Variants in PCCA observed in about 807,000 individuals in gnomAD.
PCCA encodes the protein propionyl-CoA carboxylase subunit alpha.
Under a neutral mutation model 101.3 loss-of-function variants are expected in PCCA, and 74 were observed. That is an observed-to-expected ratio of 0.73 (90% CI 0.61 to 0.89). The LOEUF is 0.89. PCCA is among the 40% of genes least tolerant of loss of function. PCCA has a pLI of 0.00. For missense variants in PCCA, 891 were observed against 907.0 expected (o/e 0.98, Z 0.23); for synonymous variants, 294 against 313.6 (o/e 0.94, Z 0.66).
intron 12 of PCCA, among the ~76,000 whole-genome samples, chr13:100,296,820 AT>A (rs1424867883): frequency 6.6e-6 from 1 of 152,148 alleles, no homozygotes; most frequent in Admixed American, 6.5e-5. Context: ...GGACATTAAC[AT>A]ATTACTGTCT....
At chr13:100,467,965 T>C (rs2082669180) in intron 21 of PCCA, among the ~76,000 whole-genome samples, 1 of 152,206 alleles carries the variant, frequency 6.6e-6, no homozygotes, top group Non-Finnish European at 1.5e-5. Flanking sequence ...AATGTATTTC[T>C]GAAATAATAA....
rs186121579 is a variant in PCCA at position 100,394,934 on chromosome 13, C to G, written c.1746+26360C>G. ...CAAGGCAGCTTTTATCTTCTGTGTC[C>G]GTGATTCTAATTACATTTCAGGGGG... On this transcript the variant is annotated intron_variant, in intron 19 of 23. Transcript: ENST00000376285. The surrounding 1 kb of genome is among the most constrained non-coding windows in gnomAD (Gnocchi z 4.3). Among the ~76,000 whole-genome samples the G allele has an allele frequency of 1.6e-4, 25 of 152,148 alleles. No homozygotes were observed. The East Asian group carries it at 4.8e-3, about 29-fold the overall frequency.
intron 7 of PCCA, among the ~76,000 whole-genome samples, chr13:100,217,509 A>G (rs1251424040): frequency 1.3e-5 from 2 of 152,090 alleles, no homozygotes; most frequent in African/African-American, 4.8e-5. Flanking sequence ...CTTTAGATAG[A>G]CTTAACATTG....
chr13:100,246,607 T>G (rs571732081), intron 8 of PCCA, among the ~76,000 whole-genome samples: 69 of 151,940 alleles, frequency 4.5e-4, no homozygotes, highest in Admixed American at 3.1e-3. Context: ...GAATTACAAG[T>G]GTGAGCCACC....
intron 16 of PCCA, among the ~76,000 whole-genome samples, chr13:100,329,370 G>A (rs2152731613): frequency 6.6e-6 from 1 of 152,276 alleles, no homozygotes; most frequent in South Asian, 2.1e-4. Flanking sequence ...GTACCGTGCA[G>A]TGATGGTTCA....
intron 20 of PCCA, among the ~76,000 whole-genome samples, chr13:100,426,861 C>T (rs1450364731): frequency 2.0e-5 from 3 of 151,978 alleles, no homozygotes; most frequent in Admixed American, 2.0e-4. Context: ...GTTTAAGACT[C>T]TTGAAAAAAA....
intron 19 of PCCA, among the ~76,000 whole-genome samples, chr13:100,408,948 C>T (rs60553410): frequency 0.029 from 4,422 of 152,156 alleles, 233 homozygotes; most frequent in African/African-American, 0.1. Context: ...GTTCTTTCAC[C>T]GAGGAGAGAA....
intron 19 of PCCA, among the ~76,000 whole-genome samples, chr13:100,377,377 T>C (rs1375086769): frequency 2.0e-5 from 3 of 152,236 alleles, no homozygotes; most frequent in African/African-American, 7.2e-5. Context: ...GGAACAATTT[T>C]TTCCATCCCT....
intron 12 of PCCA, 149 bp downstream of exon 12, chr13:100,273,495 A>G (rs2152590367): frequency 1.5e-6 from 1 of 683,736 alleles, no homozygotes; most frequent in East Asian, 2.7e-5. Flanking sequence ...GACATCTGTT[A>G]GGAATGACGG....
chr13:100,404,801 A>G (rs2152860132), intron 19 of PCCA, among the ~76,000 whole-genome samples: 1 of 152,130 alleles, frequency 6.6e-6, no homozygotes, highest in East Asian at 1.9e-4. Flanking sequence ...AGTAGCTTTG[A>G]ATTCTGTATG....
chr13:100,304,732 T>C (rs1048177266), intron 14 of PCCA, among the ~76,000 whole-genome samples: 8 of 152,202 alleles, frequency 5.3e-5, no homozygotes, highest in African/African-American at 1.4e-4. Context: ...TTATTGTTTG[T>C]TTTTCTTCCT....
chr13:100,373,061 A>G (rs1464707814), intron 19 of PCCA, among the ~76,000 whole-genome samples: 9 of 152,148 alleles, frequency 5.9e-5, no homozygotes, highest in African/African-American at 2.2e-4. Flanking sequence ...TAAGAGTTTA[A>G]TATCTGGAAT....
At chr13:100,453,365 G>A (rs2081473643) in intron 21 of PCCA, among the ~76,000 whole-genome samples, 2 of 152,044 alleles carry the variant, frequency 1.3e-5, no homozygotes, top group Non-Finnish European at 2.9e-5. Context: ...GCCAGGCATG[G>A]TGGCAGGAGC....
intron 4 of PCCA, among the ~76,000 whole-genome samples, chr13:100,119,726 G>T (rs1435934013): frequency 6.6e-6 from 1 of 151,986 alleles, no homozygotes; most frequent in Non-Finnish European, 1.5e-5. Context: ...TAGACAGAAG[G>T]GTTTCCTTCA....
intron 6 of PCCA, among the ~76,000 whole-genome samples, chr13:100,163,127 G>A (rs1362057087): frequency 6.6e-6 from 1 of 152,204 alleles, no homozygotes; most frequent in East Asian, 1.9e-4. Context: ...TAAGGATGTA[G>A]ATAGGTCAGA....
At chr13:100,424,285 G>A (rs1450087906) in intron 19 of PCCA, among the ~76,000 whole-genome samples, 3 of 152,106 alleles carry the variant, frequency 2.0e-5, no homozygotes, top group African/African-American at 7.2e-5. Context: ...GAGCATCCCC[G>A]GATTTTGGTA....
chr13:100,310,023 A>T, intron 16 of PCCA, 115 bp downstream of exon 16: 2 of 771,310 alleles, frequency 2.6e-6, no homozygotes, highest in Non-Finnish European at 4.6e-6. Context: ...CTATGTGCTT[A>T]AAGAGAAATA....
intron 21 of PCCA, among the ~76,000 whole-genome samples, chr13:100,501,328 G>A (rs932683818): frequency 2.0e-5 from 3 of 152,090 alleles, no homozygotes; most frequent in African/African-American, 7.2e-5. Flanking sequence ...TAATGTACAT[G>A]GTACCCATTA....
At chr13:100,271,148 A>G (rs1007181819) in intron 11 of PCCA, among the ~76,000 whole-genome samples, 2 of 152,238 alleles carry the variant, frequency 1.3e-5, no homozygotes, top group Admixed American at 1.3e-4. Context: ...TAGGAGAAAG[A>G]TAGTTTCACA....
Sources: allele counts gnomAD v4.1 joint callset (sites outside exome capture counted in the v4.1 genomes callset), GRCh38; gene constraint gnomAD v4.1.1; non-coding constraint Gnocchi (gnomAD v3.1); transcripts MANE v1.5; gene names NCBI Gene and HGNC (gene_info 2026-07-23, HGNC 2026-07-21).